The following DMD variants were observed in gnomAD, a reference collection of about 807,000 sequenced individuals.
DMD encodes the protein dystrophin, also known as mutant dystrophin.
A neutral mutation model predicts 330.1 loss-of-function variants in DMD; 63 were observed. The observed-to-expected ratio is 0.19, with a 90% CI of 0.16 to 0.24. The LOEUF (loss-of-function observed/expected upper bound fraction) is 0.24, where lower values mean the gene tolerates loss of function less well. Ranked by LOEUF, DMD falls within the 10% of genes least tolerant of loss-of-function variation. The pLI is 1.00. For synonymous variants in DMD, 1,223 were observed against 959.8 expected (o/e 1.27, Z -5.07); for missense variants, 3,344 against 2,684.1 (o/e 1.25, Z -5.43).
intron 50 of DMD, among the ~76,000 whole-genome samples, chrX:31,813,639 T>C (rs1246283498): frequency 3.6e-5 from 4 of 112,208 alleles, no homozygotes; most frequent in Non-Finnish European, 3.8e-5. Flanking sequence ...TATTTCTTCA[T>C]AGCAGTATGA....
intron 2 of DMD, among the ~76,000 whole-genome samples, chrX:33,000,518 A>AG (rs2093251915): frequency 1.8e-5 from 2 of 111,763 alleles, no homozygotes; most frequent in African/African-American, 6.5e-5. Flanking sequence ...AGGTGACAAA[A>AG]GTCCCTTCCT....
At chrX:31,507,056 C>G (rs1404643588) in intron 56 of DMD, among the ~76,000 whole-genome samples, 4 of 111,841 alleles carry the variant, frequency 3.6e-5, no homozygotes, top group Admixed American at 9.5e-5. Flanking sequence ...ATATGCATGT[C>G]TCCTATGTTT....
In DMD at chrX:31,299,459, GA is replaced by G. The variant is rs758014607; in HGVS notation, c.9224+24138del. On this transcript the variant is annotated intron_variant, in intron 62 of 78. Coordinates refer to ENST00000357033, the MANE Select transcript of DMD (RefSeq NM_004006.3). The stretch of plus-strand genomic sequence containing the variant: ...CAGATATTTCTGAGTAAGAACTGAA[GA>G]AAAGTCAACTAATTGTTCGTTTAGA... Among the ~76,000 whole-genome samples, 3 of 111,880 alleles carry G rather than the reference GA, an allele frequency of 2.7e-5. No homozygotes were observed. In the South Asian group the frequency reaches 1.1e-3, roughly 42 times the overall value.
At chrX:32,095,973 G>A (rs2096503170) in intron 44 of DMD, among the ~76,000 whole-genome samples, 1 of 110,518 alleles carries the variant, frequency 9.0e-6, no homozygotes, top group African/African-American at 3.3e-5. Context: ...AGTTACACAC[G>A]TATACATGTG....
chrX:32,201,008 T>C (rs1013842381), intron 44 of DMD, among the ~76,000 whole-genome samples: 3 of 111,809 alleles, frequency 2.7e-5, no homozygotes, highest in African/African-American at 9.8e-5. Flanking sequence ...AGTGTTGATG[T>C]CATATTGTTA....
At chrX:32,040,970 C>T (rs1186359967) in intron 44 of DMD, among the ~76,000 whole-genome samples, 5 of 111,153 alleles carry the variant, frequency 4.5e-5, no homozygotes, top group Admixed American at 1.9e-4. Context: ...GAAGGCCATA[C>T]GTGCTTCATG....
At chrX:31,134,629 G>A (rs1015074496) in intron 76 of DMD, among the ~76,000 whole-genome samples, 1 of 110,962 alleles carries the variant, frequency 9.0e-6, no homozygotes, top group Non-Finnish European at 1.9e-5. Context: ...CACCATATTG[G>A]CCAGGCTGGT....
intron 9 of DMD, among the ~76,000 whole-genome samples, chrX:32,657,061 A>C (rs1200075285): frequency 9.3e-6 from 1 of 107,793 alleles, no homozygotes; most frequent in African/African-American, 3.4e-5. Context: ...TAATTTCTCT[A>C]ATTCTACCAT....
At chrX:32,392,319 C>G (rs1336592200) in intron 30 of DMD, among the ~76,000 whole-genome samples, 1 of 111,652 alleles carries the variant, frequency 9.0e-6, no homozygotes, top group African/African-American at 3.3e-5. Flanking sequence ...AACGCAATAG[C>G]ACGATCTTGG....
chrX:32,104,871 A>G (rs1254791123), intron 44 of DMD, among the ~76,000 whole-genome samples: 1 of 111,460 alleles, frequency 9.0e-6, no homozygotes, highest in Non-Finnish European at 1.9e-5. Flanking sequence ...AAGAGCTCCT[A>G]GGAAACTTCT....
intron 44 of DMD, among the ~76,000 whole-genome samples, chrX:32,144,661 C>T (rs1303732059): frequency 1.8e-5 from 2 of 111,947 alleles, no homozygotes; most frequent in Non-Finnish European, 3.8e-5. Flanking sequence ...ATAAAATTGT[C>T]ATGGCTAAAA....
At chrX:32,482,932 G>T (rs2042042064) in intron 21 of DMD, among the ~76,000 whole-genome samples, 1 of 107,824 alleles carries the variant, frequency 9.3e-6, no homozygotes, top group Non-Finnish European at 1.9e-5. Context: ...AAGTAAAGAG[G>T]AAATAAAAGT....
intron 13 of DMD, chrX:32,583,532 T>C (rs1258900321): frequency 8.9e-6 from 1 of 111,795 alleles, no homozygotes; most frequent in African/African-American, 3.3e-5. Context: ...AAACTTGTCA[T>C]AATGCTATAG....
At chrX:32,918,141 G>A (rs1473821733) in intron 2 of DMD, among the ~76,000 whole-genome samples, 2 of 110,971 alleles carry the variant, frequency 1.8e-5, no homozygotes, top group Non-Finnish European at 3.8e-5. Context: ...CCTATTTTAT[G>A]GCTAAAATAT....
chrX:31,613,726 GTC>G (rs751111416), intron 55 of DMD, among the ~76,000 whole-genome samples: 3 of 110,745 alleles, frequency 2.7e-5, no homozygotes, highest in African/African-American at 9.8e-5. Flanking sequence ...CCTTGGCTAG[GTC>G]TCTCTGTCCT....
chrX:32,345,891 T>C lies in DMD; in HGVS notation c.5586+52A>G, dbSNP rs72468622. 1.5e-3 allele frequency: 1,756 copies of C among 1,169,932 alleles called. 22 individuals are homozygous for C. In the African/African-American group the frequency reaches 0.026, roughly 17 times the overall value. ...TTAATGCACATTATATTTTACCCTA[T>C]ATATTAAAAAAAAACCACAGGCAAG... On this transcript the variant is annotated intron_variant, in intron 39 of 78. Transcript: ENST00000357033.
At chrX:32,445,450 C>T (rs1397793396) in intron 27 of DMD, among the ~76,000 whole-genome samples, 2 of 110,921 alleles carry the variant, frequency 1.8e-5, no homozygotes, top group Non-Finnish European at 3.8e-5. Context: ...GACTGTGAGA[C>T]CATTTATTCT....
intron 1 of DMD, among the ~76,000 whole-genome samples, chrX:33,074,187 T>C (rs1343199420): frequency 9.0e-6 from 1 of 111,601 alleles, no homozygotes; most frequent in East Asian, 2.8e-4. Flanking sequence ...TGTGTTCAAA[T>C]AAGGCAAACA....
At chrX:32,263,622 GAA>G (rs1024270650) in intron 43 of DMD, among the ~76,000 whole-genome samples, 3 of 112,014 alleles carry the variant, frequency 2.7e-5, no homozygotes, top group African/African-American at 9.8e-5. Flanking sequence ...TCTTTAGGAT[GAA>G]GAGAGAGCAT....
Sources: gnomAD v4.1 joint callset for allele counts (sites outside exome capture counted in the v4.1 genomes callset) on GRCh38, gnomAD v4.1.1 for gene constraint, MANE v1.5 for transcripts, NCBI Gene and HGNC (gene_info 2026-07-23, HGNC 2026-07-21) for gene names.